The following PPM1E variants were observed in gnomAD, a reference collection of about 807,000 sequenced individuals.
PPM1E encodes protein phosphatase, Mg2+/Mn2+ dependent 1E.
PPM1E carries 20 observed loss-of-function variants against 65.9 expected under a neutral mutation model. The ratio of observed to expected loss-of-function variants is 0.30; its 90% CI spans 0.21 to 0.44. The LOEUF is 0.44. Ranked by LOEUF, PPM1E falls within the 20% of genes least tolerant of loss-of-function variation. The probability of loss-of-function intolerance (pLI) is 1.00; values close to 1 mark genes in which losing one functional copy is unlikely to be tolerated. For missense variants in PPM1E, 713 were observed against 953.1 expected, an observed-to-expected ratio of 0.75 and a Z score of 3.32; for synonymous variants, 352 against 374.9, an observed-to-expected ratio of 0.94 and a Z score of 0.70.
intron 1 of PPM1E, among the ~76,000 whole-genome samples, chr17:58,953,860 G>C (rs898894247): frequency 6.7e-6 from 1 of 149,480 alleles, no homozygotes; most frequent in Non-Finnish European, 1.5e-5. Flanking sequence ...TGATTCTCTT[G>C]CCTCAGCCTT....
intron 1 of PPM1E, among the ~76,000 whole-genome samples, chr17:58,891,605 G>A (rs1002830738): frequency 4.6e-5 from 7 of 152,088 alleles, no homozygotes; most frequent in Non-Finnish European, 8.8e-5. Flanking sequence ...TTACAGGCAT[G>A]AGCCAACGCG....
intron 1 of PPM1E, among the ~76,000 whole-genome samples, chr17:58,822,593 G>A (rs975732006): frequency 1.3e-5 from 2 of 152,004 alleles, no homozygotes; most frequent in African/African-American, 4.8e-5. Flanking sequence ...AATAGAACGG[G>A]GTAACATTGC....
At chr17:58,857,290 T>C (rs1230244523) in intron 1 of PPM1E, among the ~76,000 whole-genome samples, 1 of 152,152 alleles carries the variant, frequency 6.6e-6, no homozygotes, top group Admixed American at 6.6e-5. Flanking sequence ...TCACTGAGGT[T>C]GTTTTTGTTT....
At chr17:58,911,391 T>A (rs1264983889) in intron 1 of PPM1E, among the ~76,000 whole-genome samples, 2 of 152,130 alleles carry the variant, frequency 1.3e-5, no homozygotes, top group Non-Finnish European at 2.9e-5. Context: ...GAATAGGGGA[T>A]AACATTTAAC....
At chr17:58,910,232 G>A (rs1319335769) in intron 1 of PPM1E, among the ~76,000 whole-genome samples, 1 of 151,802 alleles carries the variant, frequency 6.6e-6, no homozygotes, top group Non-Finnish European at 1.5e-5. Flanking sequence ...GGTTTCTATT[G>A]TATATCCTCA....
chr17:58,937,244 T>G (rs1005932641), intron 1 of PPM1E, among the ~76,000 whole-genome samples: 2 of 151,306 alleles, frequency 1.3e-5, no homozygotes, highest in African/African-American at 4.8e-5. Flanking sequence ...TATATGACAT[T>G]TATCATGTAG....
At position 58,955,499 on chromosome 17, in the gene PPM1E, T is replaced by G. The variant is rs536575357; in HGVS notation, c.465-150T>G. ...ATCAATATATATCCAGTGCCCAGAG[T>G]GCCTACTCAATAAATATTTATTGAA... On this transcript the variant is annotated intron_variant, in intron 1 of 6. Transcript: ENST00000308249. 4.8e-6 allele frequency: 4 copies of G among 835,250 alleles called. No individual in the cohort carries two copies. In the African/African-American group the frequency reaches 5.1e-5, roughly 11 times the overall value. 51.7% of individuals were successfully genotyped at this position (835,250 alleles called of 1,614,324 possible). A position where few individuals can be genotyped will look rare whatever the true frequency, so the allele number is the denominator to read the frequency against.
chr17:58,822,352 T>G (rs1357695855), intron 1 of PPM1E, among the ~76,000 whole-genome samples: 2 of 150,858 alleles, frequency 1.3e-5, no homozygotes, highest in Non-Finnish European at 3.0e-5. Context: ...ATTTATTTAT[T>G]TATTTATTTA....
chr17:58,945,727 T>G (rs1223390913), intron 1 of PPM1E, among the ~76,000 whole-genome samples: 1 of 152,164 alleles, frequency 6.6e-6, no homozygotes, highest in Admixed American at 6.5e-5. Flanking sequence ...TCTTACAAAA[T>G]TCAGGGAAAC....
chr17:58,756,266 AGGC>A lies in PPM1E; in HGVS notation c.275_277del (p.Ala92del). ...GAGCAAGACCCGGAGCCCGAGGAGG[AGGC>A]GGCGGTTGAGGGTGAGGAGGAGGAG... On this transcript the variant is annotated inframe_deletion, in exon 1 of 7. Coordinates refer to ENST00000308249, the MANE Select transcript of PPM1E (RefSeq NM_014906.5). 2 of 1,548,962 alleles carry A rather than the reference AGGC, an allele frequency of 1.3e-6. No individual in the cohort carries two copies. The highest frequency in any genetic ancestry group is 1.7e-6 in the Non-Finnish European group (2 of 1,146,236).
At chr17:58,772,495 G>A (rs1373036738) in intron 1 of PPM1E, among the ~76,000 whole-genome samples, 1 of 151,902 alleles carries the variant, frequency 6.6e-6, no homozygotes, top group Non-Finnish European at 1.5e-5. Context: ...GATTTTATGG[G>A]GACACTGAGA....
At chr17:58,935,758 G>A (rs946437592) in intron 1 of PPM1E, among the ~76,000 whole-genome samples, 4 of 152,032 alleles carry the variant, frequency 2.6e-5, no homozygotes, top group African/African-American at 4.8e-5. Context: ...TGATCAGTGT[G>A]AGCAAATGGT....
chr17:58,889,220 G>C (rs2031422061), intron 1 of PPM1E, among the ~76,000 whole-genome samples: 1 of 152,142 alleles, frequency 6.6e-6, no homozygotes, highest in South Asian at 2.1e-4. Context: ...AAATCTGTGT[G>C]TGGGAGTTCA....
chr17:58,852,496 G>T (rs1318311261), intron 1 of PPM1E, among the ~76,000 whole-genome samples: 1 of 151,486 alleles, frequency 6.6e-6, no homozygotes, highest in Admixed American at 6.6e-5. Flanking sequence ...ATCCTAATTA[G>T]TATGTACCTC....
At chr17:58,802,813 A>G (rs1285654414) in intron 1 of PPM1E, among the ~76,000 whole-genome samples, 2 of 151,948 alleles carry the variant, frequency 1.3e-5, no homozygotes, top group African/African-American at 2.4e-5. Flanking sequence ...TGGGATTTTT[A>G]TCTTCATTGT....
chr17:58,805,456 G>A (rs1196362367), intron 1 of PPM1E, among the ~76,000 whole-genome samples: 1 of 152,032 alleles, frequency 6.6e-6, no homozygotes, highest in African/African-American at 2.4e-5. Flanking sequence ...CTCCATGTTG[G>A]TCAGGCTGGT....
chr17:58,758,962 C>T (rs2049796261), intron 1 of PPM1E, among the ~76,000 whole-genome samples: 1 of 152,002 alleles, frequency 6.6e-6, no homozygotes, highest in African/African-American at 2.4e-5. Flanking sequence ...CCCAGCTACT[C>T]AAAAGGCTGA....
chr17:58,933,816 G>C (rs1299010272), intron 1 of PPM1E, among the ~76,000 whole-genome samples: 2 of 145,486 alleles, frequency 1.4e-5, no homozygotes, highest in East Asian at 2.0e-4. Flanking sequence ...AAAAAAAAAG[G>C]CTGGGCGCAG....
At chr17:58,784,166 G>T (rs566399755) in intron 1 of PPM1E, among the ~76,000 whole-genome samples, 1 of 151,798 alleles carries the variant, frequency 6.6e-6, no homozygotes, top group Non-Finnish European at 1.5e-5. Context: ...GGGATTACAG[G>T]TACGCACCAC....
Sources: gnomAD v4.1 joint callset for allele counts (sites outside exome capture counted in the v4.1 genomes callset) on GRCh38, gnomAD v4.1.1 for gene constraint, MANE v1.5 for transcripts, NCBI Gene and HGNC (gene_info 2026-07-23, HGNC 2026-07-21) for gene names.